The following SNX30 variants were observed in gnomAD, a reference collection of about 807,000 sequenced individuals.
SNX30 encodes the protein sorting nexin-30.
A neutral mutation model predicts 46.4 loss-of-function variants in SNX30; 24 were observed. The ratio of observed to expected loss-of-function variants is 0.52; its 90% CI spans 0.37 to 0.73. SNX30 has a LOEUF of 0.73. Among genes scored for constraint, SNX30 ranks in the 30% least tolerant of loss-of-function variants. SNX30 has a pLI of 0.00. For missense variants in SNX30, 533 were observed against 555.7 expected (o/e 0.96, Z 0.41); for synonymous variants, 189 against 211.5 (o/e 0.89, Z 0.92).
At position 112,868,848 on chromosome 9, in the gene SNX30, C is replaced by G. The variant is rs1243604574; in HGVS notation, c.*5C>G. 2 of 1,613,688 alleles carry G rather than the reference C, an allele frequency of 1.2e-6. No individual in the cohort carries two copies. Among genetic ancestry groups the G allele is most frequent in the East Asian group, 2.2e-5 (1 of 44,882 alleles). ...GAGAAACAAGAGGCCAAGTAAAGTT[C>G]TTTCTTGGGACGGAGACTCTTCTAC... On this transcript the variant is annotated 3_prime_UTR_variant, in exon 9 of 9. Transcript: ENST00000374232.
chr9:112,821,415 GTATATATATA>G lies in SNX30; in HGVS notation c.459+3602_459+3611del, dbSNP rs1380420714. Among the ~76,000 whole-genome samples, 152 of 151,296 alleles carry G rather than the reference GTATATATATA, an allele frequency of 1.0e-3. 3 individuals carry two copies. Among genetic ancestry groups the G allele is most frequent in the Admixed American group, 9.7e-3 (148 of 15,190 alleles). ...TTTTTCAAATTTTATATATATGTGT[GTATATATATA>G]TGTGTGTTTGTATATATGTGTATAT... On this transcript the variant is annotated intron_variant, in intron 3 of 8. Transcript: ENST00000374232.
At position 112,787,859 on chromosome 9, in the gene SNX30, C is replaced by T. The variant is rs138407972; in HGVS notation, c.157-16917C>T. Among the ~76,000 whole-genome samples, 530 of 151,554 alleles carry T rather than the reference C, an allele frequency of 3.5e-3. 4 individuals are homozygous for T. Among genetic ancestry groups the T allele is most frequent in the African/African-American group, 0.012 (515 of 41,286 alleles). ...TCGCCCAGGGTAGAGTACAGTGGCG[C>T]GATCTTGGCTCACTGCAACCTCTGC... On this transcript the variant is annotated intron_variant, in intron 1 of 8. Coordinates refer to ENST00000374232, the MANE Select transcript of SNX30 (RefSeq NM_001012994.2).
At chr9:112,785,818 T>C (rs371384202) in intron 1 of SNX30, among the ~76,000 whole-genome samples, 78 of 152,218 alleles carry the variant, frequency 5.1e-4, no homozygotes, top group Middle Eastern at 3.4e-3. Context: ...CTTGCCAGCC[T>C]AGGAATGTAA....
intron 2 of SNX30, among the ~76,000 whole-genome samples, chr9:112,817,400 G>GATTTTTTTT (rs1256963697): frequency 2.9e-5 from 1 of 34,390 alleles, no homozygotes; most frequent in African/African-American, 2.0e-4. Context: ...AAAAAAACTG[G>GATTTTTTTT]CTTTTTTTTT....
chr9:112,855,322 CAG>C (rs1301911846), intron 7 of SNX30, among the ~76,000 whole-genome samples: 1 of 152,088 alleles, frequency 6.6e-6, no homozygotes, highest in African/African-American at 2.4e-5. Flanking sequence ...CGAGGTAGCT[CAG>C]GGGACTGTCT....
intron 1 of SNX30, among the ~76,000 whole-genome samples, chr9:112,758,613 C>G (rs1839388534): frequency 1.3e-5 from 2 of 152,170 alleles, no homozygotes; most frequent in African/African-American, 4.8e-5. Context: ...CCAGGTTGGT[C>G]TCGAACTCCT....
At chr9:112,866,648 C>T (rs1841348853) in intron 8 of SNX30, 2 of 428,972 alleles carry the variant, frequency 4.7e-6, no homozygotes, top group South Asian at 1.7e-5. Flanking sequence ...ACTCTTCTTT[C>T]TGGCTTGACC....
chr9:112,885,571 A>G (rs1056647401), downstream of SNX30: 2 of 152,004 alleles, frequency 1.3e-5, no homozygotes, highest in African/African-American at 4.8e-5. Context: ...GGGAACCTCA[A>G]CCCACATGTG....
intron 1 of SNX30, among the ~76,000 whole-genome samples, chr9:112,790,497 G>C (rs1034225775): frequency 4.6e-5 from 7 of 152,178 alleles, no homozygotes; most frequent in African/African-American, 1.7e-4. Context: ...AGGAGCAAGG[G>C]AGCTGGTGGA....
At chr9:112,818,610 T>TG (rs1840442775) in intron 3 of SNX30, among the ~76,000 whole-genome samples, 2 of 152,226 alleles carry the variant, frequency 1.3e-5, no homozygotes, top group Non-Finnish European at 2.9e-5. Context: ...GATGTTTCTT[T>TG]GGGCCTTGGG....
At chr9:112,798,194 T>G (rs1840145657) in intron 1 of SNX30, among the ~76,000 whole-genome samples, 1 of 100,418 alleles carries the variant, frequency 1.0e-5, no homozygotes, top group Non-Finnish European at 2.0e-5. Flanking sequence ...TAGTTACATA[T>G]GTATACATGT....
chr9:112,818,661 C>A (rs933453890), intron 3 of SNX30, among the ~76,000 whole-genome samples: 1 of 152,182 alleles, frequency 6.6e-6, no homozygotes, highest in African/African-American at 2.4e-5. Context: ...CTCAGAGGGG[C>A]TGATTTATCT....
At chr9:112,848,846 G>C (rs1295452625) in intron 6 of SNX30, among the ~76,000 whole-genome samples, 1 of 152,200 alleles carries the variant, frequency 6.6e-6, no homozygotes, top group Non-Finnish European at 1.5e-5. Context: ...TTGCACTGTT[G>C]TAGCTGAGTG....
At chr9:112,770,588 C>T (rs1397593932) in intron 1 of SNX30, among the ~76,000 whole-genome samples, 1 of 152,198 alleles carries the variant, frequency 6.6e-6, no homozygotes, top group East Asian at 1.9e-4. Context: ...CTCTGGCCTC[C>T]GTCCACTTCT....
chr9:112,844,063 G>T (rs573687776), intron 6 of SNX30, among the ~76,000 whole-genome samples: 1 of 152,170 alleles, frequency 6.6e-6, no homozygotes, highest in Non-Finnish European at 1.5e-5. Flanking sequence ...TGGGAAGGCC[G>T]TTCAGAAGGC....
At chr9:112,866,450 G>A (rs777029479) in intron 8 of SNX30, 8 of 470,630 alleles carry the variant, frequency 1.7e-5, no homozygotes, top group Admixed American at 4.7e-5. Context: ...TAGAAAACTG[G>A]TATGGCCTTG....
chr9:112,853,003 G>A (rs1172698809), intron 7 of SNX30, among the ~76,000 whole-genome samples: 1 of 152,194 alleles, frequency 6.6e-6, no homozygotes, highest in Non-Finnish European at 1.5e-5. Flanking sequence ...GATCACTGCA[G>A]TGGTCATCTG....
chr9:112,836,018 C>A (rs1840745235), intron 4 of SNX30, among the ~76,000 whole-genome samples, 196 bp from the exon 5 acceptor site: 1 of 152,208 alleles, frequency 6.6e-6, no homozygotes, highest in Non-Finnish European at 1.5e-5. Flanking sequence ...TAAGTGTCAA[C>A]CTACAGGAGC....
At chr9:112,795,135 TAA>T (rs1284052277) in intron 1 of SNX30, among the ~76,000 whole-genome samples, 2 of 152,180 alleles carry the variant, frequency 1.3e-5, no homozygotes, top group African/African-American at 4.8e-5. Context: ...TCATAGTTTA[TAA>T]GAGGATGCAA....
Sources: allele counts gnomAD v4.1 joint callset (sites outside exome capture counted in the v4.1 genomes callset), GRCh38; gene constraint gnomAD v4.1.1; transcripts MANE v1.5; gene names NCBI Gene and HGNC (gene_info 2026-07-23, HGNC 2026-07-21).